Variants in HTR1E observed in about 807,000 individuals in gnomAD.
HTR1E encodes the protein 5-hydroxytryptamine receptor 1E, also known as 5-HT-1E.
Under a neutral mutation model 3.4 loss-of-function variants are expected in HTR1E, and 3 were observed. The observed-to-expected ratio is 0.89, with a 90% CI of 0.41 to 2.31. HTR1E has a LOEUF of 2.31. Ranked by LOEUF, HTR1E falls within the 30% of genes most tolerant of loss-of-function variation. The pLI is 0.05. For synonymous variants in HTR1E, 170 were observed against 182.8 expected, an observed-to-expected ratio of 0.93 and a Z score of 0.56; for missense variants, 392 against 467.0, an observed-to-expected ratio of 0.84 and a Z score of 1.48.
chr6:87,010,230 T>G (rs1363746767), intron 1 of HTR1E, among the ~76,000 whole-genome samples: 1 of 97,012 alleles, frequency 1.0e-5, no homozygotes, highest in Non-Finnish European at 1.9e-5. Context: ...CTGGCCGGGC[T>G]GAGGGGCTCC....
chr6:86,943,013 CTT>C (rs1166117103), intron 1 of HTR1E, among the ~76,000 whole-genome samples: 5 of 152,180 alleles, frequency 3.3e-5, no homozygotes, highest in Non-Finnish European at 5.9e-5. Flanking sequence ...GTCCCATTGG[CTT>C]TGAGATAATC....
chr6:86,941,280 T>C (rs764671853), intron 1 of HTR1E, among the ~76,000 whole-genome samples: 77 of 152,240 alleles, frequency 5.1e-4, no homozygotes, highest in Non-Finnish European at 2.2e-4. Flanking sequence ...ACTCAATCAA[T>C]TGGCATATTC....
intron 1 of HTR1E, among the ~76,000 whole-genome samples, chr6:86,963,398 A>G (rs974503882): frequency 5.9e-5 from 9 of 152,222 alleles, no homozygotes; most frequent in Admixed American, 5.2e-4. Context: ...ATACTTATAA[A>G]GTAAAAATGT....
rs533523000 is a variant in HTR1E at position 86,972,653 on chromosome 6, T to A, written c.-186+34830T>A. On this transcript the variant is annotated intron_variant, in intron 1 of 1. Coordinates refer to ENST00000305344, the MANE Select transcript of HTR1E (RefSeq NM_000865.3). ...CATATCTGTGACTTTAAAAATAATA[T>A]TTCAAAGATTATTTCATAGCCAAAC... 4.3e-4 allele frequency among the ~76,000 whole-genome samples: 65 copies of A among 152,296 alleles called. No homozygotes were observed. In the South Asian group the frequency reaches 0.013, roughly 32 times the overall value.
At chr6:87,003,655 C>A (rs1486165374) in intron 1 of HTR1E, among the ~76,000 whole-genome samples, 1 of 151,370 alleles carries the variant, frequency 6.6e-6, no homozygotes, top group Non-Finnish European at 1.5e-5. Context: ...TAAGTGCCTA[C>A]AAGAAAAAAG....
intron 1 of HTR1E, among the ~76,000 whole-genome samples, chr6:86,947,183 G>T (rs1054784303): frequency 5.3e-5 from 8 of 151,930 alleles, no homozygotes; most frequent in African/African-American, 1.9e-4. Context: ...ATGTGATCTT[G>T]TGATATCATT....
At chr6:86,949,871 C>T (rs888848427) in intron 1 of HTR1E, among the ~76,000 whole-genome samples, 2 of 152,126 alleles carry the variant, frequency 1.3e-5, no homozygotes, top group Non-Finnish European at 2.9e-5. Context: ...ACCAGTTGCT[C>T]TTTGCAGAAT....
chr6:86,968,478 T>G (rs1449832720), intron 1 of HTR1E, among the ~76,000 whole-genome samples: 1 of 152,206 alleles, frequency 6.6e-6, no homozygotes, highest in East Asian at 1.9e-4. Flanking sequence ...ACACAATGTG[T>G]TATCAAAATT....
At chr6:86,968,343 T>A (rs1437992927) in intron 1 of HTR1E, among the ~76,000 whole-genome samples, 1 of 152,232 alleles carries the variant, frequency 6.6e-6, no homozygotes, top group Non-Finnish European at 1.5e-5. Context: ...TAAGTGGAAT[T>A]GCTGAGCCAA....
At chr6:86,963,959 T>A (rs1767441046) in intron 1 of HTR1E, among the ~76,000 whole-genome samples, 1 of 152,182 alleles carries the variant, frequency 6.6e-6, no homozygotes, top group Non-Finnish European at 1.5e-5. Context: ...AAACAGACTC[T>A]ATTTTCAAAG....
intron 1 of HTR1E, among the ~76,000 whole-genome samples, chr6:86,946,732 A>G (rs1176588154): frequency 6.6e-6 from 1 of 152,222 alleles, no homozygotes; most frequent in East Asian, 1.9e-4. Context: ...CAATAACTTT[A>G]TATGGTTTAA....
At chr6:86,939,988 T>C (rs1464861210) in intron 1 of HTR1E, among the ~76,000 whole-genome samples, 2 of 152,186 alleles carry the variant, frequency 1.3e-5, no homozygotes, top group African/African-American at 4.8e-5. Context: ...TTCCATTCTT[T>C]TGAGGAAGAT....
chr6:86,997,189 C>A (rs1254075302), intron 1 of HTR1E, among the ~76,000 whole-genome samples: 5 of 151,878 alleles, frequency 3.3e-5, no homozygotes, highest in Non-Finnish European at 1.5e-5. Flanking sequence ...TAGAGGAATA[C>A]TTCCTTAACT....
At chr6:87,008,535 G>T (rs1023732659) in intron 1 of HTR1E, among the ~76,000 whole-genome samples, 1 of 152,168 alleles carries the variant, frequency 6.6e-6, no homozygotes, top group Admixed American at 6.5e-5. Flanking sequence ...AAAACCAATA[G>T]ATTAGCTAAA....
intron 1 of HTR1E, among the ~76,000 whole-genome samples, chr6:87,011,788 A>C (rs1272074113): frequency 6.6e-6 from 1 of 152,196 alleles, no homozygotes; most frequent in African/African-American, 2.4e-5. Context: ...CCAAGCCCAT[A>C]GGAGATTTAT....
chr6:86,950,260 A>G (rs762871239), intron 1 of HTR1E, among the ~76,000 whole-genome samples: 1 of 152,176 alleles, frequency 6.6e-6, no homozygotes, highest in Non-Finnish European at 1.5e-5. Context: ...CTGCCTTTCA[A>G]CTTCTATTAT....
chr6:87,013,384 A>T (rs1356939311), intron 1 of HTR1E, among the ~76,000 whole-genome samples: 1 of 152,122 alleles, frequency 6.6e-6, no homozygotes, highest in African/African-American at 2.4e-5. Flanking sequence ...ATGGCCTTGG[A>T]CTCATGATAT....
In HTR1E at chr6:87,011,102, C is replaced by T. The variant is rs190099341; in HGVS notation, c.-185-4048C>T. Among the ~76,000 whole-genome samples the T allele has an allele frequency of 7.2e-4, 109 of 152,302 alleles. 1 individual carries two copies. The highest frequency in any genetic ancestry group is 8.4e-4 in the Non-Finnish European group (57 of 68,036). ...GCTTCAACTCCATTTGCAATAGCTA[C>T]TATGTGACCTCTGAATTTTTGGTAG... On this transcript the variant is annotated intron_variant, in intron 1 of 1. Coordinates refer to ENST00000305344, the MANE Select transcript of HTR1E (RefSeq NM_000865.3).
chr6:86,974,821 T>G (rs1767606957), intron 1 of HTR1E, among the ~76,000 whole-genome samples: 1 of 152,232 alleles, frequency 6.6e-6, no homozygotes, highest in Admixed American at 6.5e-5. Flanking sequence ...TCATTATTTA[T>G]TTTTAACCTG....
Sources: gnomAD v4.1 joint callset for allele counts (sites outside exome capture counted in the v4.1 genomes callset) on GRCh38, gnomAD v4.1.1 for gene constraint, MANE v1.5 for transcripts, NCBI Gene and HGNC (gene_info 2026-07-23, HGNC 2026-07-21) for gene names.